The following CELF2 variants were observed in gnomAD, a reference collection of about 807,000 sequenced individuals.
CELF2 encodes CUG triplet repeat RNA-binding protein 2.
A neutral mutation model predicts 62.6 loss-of-function variants in CELF2; 8 were observed. The observed-to-expected ratio is 0.13, with a 90% CI of 0.07 to 0.23. The LOEUF (loss-of-function observed/expected upper bound fraction) is 0.23. Ranked by LOEUF, CELF2 falls within the 10% of genes least tolerant of loss-of-function variation. The pLI is 1.00. For missense variants in CELF2, 333 were observed against 671.0 expected (o/e 0.50, Z 5.56); for synonymous variants, 258 against 250.0 (o/e 1.03, Z -0.30).
rs550836490 is a variant in CELF2 at position 11,302,189 on chromosome 10, T to C, written c.977-11950T>C. Among the ~76,000 whole-genome samples, 1 of 152,322 alleles carries C rather than the reference T, an allele frequency of 6.6e-6. No individual in the cohort carries two copies. The highest frequency in any genetic ancestry group is 2.1e-4 in the South Asian group (1 of 4,832). On this transcript the variant is annotated intron_variant, in intron 9 of 12. Transcript: ENST00000633077. This position sits in a 1 kb window ranked among gnomAD's most constrained non-coding sequence, Gnocchi z 5.0. ...TTGGTGCCCAGTGACTGTTGCCCTT[T>C]CCTGTCACAAACCAAACCTTCCCAC... is the stretch of plus-strand genomic sequence containing the variant.
At chr10:10,804,460 C>G (rs1418820181) in intron 1 of CELF2, among the ~76,000 whole-genome samples, 1 of 152,186 alleles carries the variant, frequency 6.6e-6, no homozygotes, top group African/African-American at 2.4e-5. Context: ...GCTTTCAAAT[C>G]TCATACGACA....
chr10:11,151,878 A>G (rs1231720282), intron 1 of CELF2, among the ~76,000 whole-genome samples: 3 of 152,228 alleles, frequency 2.0e-5, no homozygotes, highest in Non-Finnish European at 4.4e-5. Context: ...CACTCGGGTC[A>G]TGCTCCATCT....
chr10:11,142,790 C>T (rs981806817), intron 1 of CELF2, among the ~76,000 whole-genome samples: 9 of 151,542 alleles, frequency 5.9e-5, no homozygotes, highest in Non-Finnish European at 7.4e-5. Flanking sequence ...AGTAGTGGTG[C>T]GTGGAATGAA....
At chr10:10,639,143 A>G in the CELF2 span, among the ~76,000 whole-genome samples, 1 of 152,250 alleles carries the variant, frequency 6.6e-6, no homozygotes, top group Non-Finnish European at 1.5e-5. Context: ...AATATGTCCT[A>G]GAAATATGTG....
the CELF2 span, among the ~76,000 whole-genome samples, chr10:10,479,866 C>A: frequency 6.6e-6 from 1 of 152,182 alleles, no homozygotes; most frequent in Non-Finnish European, 1.5e-5. Context: ...TACGATTAGT[C>A]ACAATTTAAC....
At chr10:10,842,679 G>A (rs954937020) in intron 1 of CELF2, among the ~76,000 whole-genome samples, 1 of 151,888 alleles carries the variant, frequency 6.6e-6, no homozygotes, top group Non-Finnish European at 1.5e-5. Context: ...ACAGATTATT[G>A]AATTGTATTT....
intron 2 of CELF2, among the ~76,000 whole-genome samples, chr10:11,170,603 G>A (rs1051932670): frequency 6.6e-6 from 1 of 152,078 alleles, no homozygotes; most frequent in Non-Finnish European, 1.5e-5. Flanking sequence ...TAGCAGATAT[G>A]CTAGGAAGTT....
intron 1 of CELF2, among the ~76,000 whole-genome samples, chr10:11,058,092 C>G (rs1159368314): frequency 6.7e-6 from 1 of 149,606 alleles, no homozygotes; most frequent in Non-Finnish European, 1.5e-5. Context: ...AAAACGGAAT[C>G]TAATGTTAAA....
At chr10:11,228,750 G>T in intron 3 of CELF2, among the ~76,000 whole-genome samples, 1 of 142,342 alleles carries the variant, frequency 7.0e-6, no homozygotes, top group Non-Finnish European at 1.5e-5. Context: ...AAAAAACTTG[G>T]AACCACCATT....
Position 11,117,480 on chromosome 10 carries a change from C to T in CELF2, c.75-48006C>T, listed in dbSNP as rs964512857. Among the ~76,000 whole-genome samples the T allele has an allele frequency of 3.9e-5, 6 of 152,218 alleles. No homozygotes were observed. The highest frequency in any genetic ancestry group is 1.3e-4 in the Admixed American group (2 of 15,278). On this transcript the variant is annotated intron_variant, in intron 1 of 12. Transcript: ENST00000633077. This position sits in a 1 kb window ranked among gnomAD's most constrained non-coding sequence, Gnocchi z 4.1. ...CTGTCTACCTGTGCTACCAGCTTTC[C>T]TGTGCTCTGCAGCAGCTCTAGAGGC...
chr10:10,599,982 C>T, the CELF2 span, among the ~76,000 whole-genome samples: 1 of 152,182 alleles, frequency 6.6e-6, no homozygotes, highest in Non-Finnish European at 1.5e-5. Context: ...CCACCCACCT[C>T]AGCCTCCCAA....
the CELF2 span, among the ~76,000 whole-genome samples, chr10:10,759,080 A>G: frequency 2.6e-5 from 4 of 152,220 alleles, no homozygotes; most frequent in African/African-American, 9.6e-5. Flanking sequence ...TATCGAATCA[A>G]TGATTGCTTT....
chr10:10,574,185 G>A, the CELF2 span, among the ~76,000 whole-genome samples: 1 of 152,292 alleles, frequency 6.6e-6, no homozygotes. Flanking sequence ...AGATTAGATG[G>A]TAAAGAACTT....
rs1258259114 is a variant in CELF2, at chr10:11,005,777, C to G, written c.53+337C>G. Among the ~76,000 whole-genome samples the G allele has an allele frequency of 6.6e-6, 1 of 152,174 alleles. No homozygotes were observed. Among genetic ancestry groups the G allele is most frequent in the Non-Finnish European group, 1.5e-5 (1 of 68,036 alleles). ...TGGTTCGTCTTTTCCTTTGCAATGT[C>G]TAAGCCTCTTTCATTTTTATGCACT... On this transcript the variant is annotated intron_variant, in intron 1 of 12. Coordinates refer to the CELF2 transcript ENST00000416382. This position sits in a 1 kb window ranked among gnomAD's most constrained non-coding sequence, Gnocchi z 4.3.
chr10:10,524,410 C>G, the CELF2 span, among the ~76,000 whole-genome samples: 3 of 149,864 alleles, frequency 2.0e-5, no homozygotes, highest in African/African-American at 7.4e-5. Context: ...TAGGCCCTAT[C>G]TAGTATGAAC....
the CELF2 span, among the ~76,000 whole-genome samples, chr10:10,525,351 C>A: frequency 6.6e-6 from 1 of 151,948 alleles, no homozygotes; most frequent in African/African-American, 2.4e-5. Context: ...GTCTTAAAAC[C>A]TGATGAGATT....
At chr10:10,657,603 A>G in the CELF2 span, among the ~76,000 whole-genome samples, 1 of 152,314 alleles carries the variant, frequency 6.6e-6, no homozygotes, top group South Asian at 2.1e-4. Flanking sequence ...AGAAAAAAAG[A>G]ATGCATGTAA....
At chr10:11,196,649 T>TA (rs1192328860) in intron 2 of CELF2, among the ~76,000 whole-genome samples, 150 of 146,570 alleles carry the variant, frequency 1.0e-3, no homozygotes, top group Admixed American at 1.9e-3. Flanking sequence ...CCTCTCTCTT[T>TA]AAAAAAAACA....
chr10:10,509,419 A>G, the CELF2 span, among the ~76,000 whole-genome samples: 2 of 152,196 alleles, frequency 1.3e-5, no homozygotes, highest in Non-Finnish European at 2.9e-5. Flanking sequence ...TAGTGCCCCA[A>G]TTCCCAGACA....
Sources: gnomAD v4.1 joint callset for allele counts (sites outside exome capture counted in the v4.1 genomes callset) on GRCh38, gnomAD v4.1.1 for gene constraint, Gnocchi (gnomAD v3.1) non-coding constraint, MANE v1.5 for transcripts, NCBI Gene and HGNC (gene_info 2026-07-23, HGNC 2026-07-21) for gene names.